LRRC7: variants seen among roughly 807,000 people sequenced by gnomAD.
The protein encoded by LRRC7 is leucine-rich repeat-containing protein 7.
LRRC7 carries 23 observed loss-of-function variants against 175.7 expected under a neutral mutation model. The observed-to-expected ratio is 0.13, with a 90% confidence interval of 0.09 to 0.19. The LOEUF is 0.19. Among genes scored for constraint, LRRC7 ranks in the 10% least tolerant of loss-of-function variants. The pLI is 1.00. For synonymous variants in LRRC7, 685 were observed against 680.9 expected (o/e 1.01, Z -0.09); for missense variants, 1,354 against 1,904.7 (o/e 0.71, Z 5.38).
At chr1:69,886,096 G>T (rs979654444) in intron 7 of LRRC7, among the ~76,000 whole-genome samples, 134 of 151,512 alleles carry the variant, frequency 8.8e-4, no homozygotes, top group Non-Finnish European at 1.2e-3. Context: ...ATATTCTGTT[G>T]ATTTGGGGTG....
intron 18 of LRRC7, 29 bp from the exon 19 acceptor site, chr1:70,036,092 T>G: frequency 6.5e-7 from 1 of 1,536,658 alleles, no homozygotes; most frequent in Non-Finnish European, 8.9e-7. Flanking sequence ...ATGTTTACTT[T>G]CCTTGTCCTG....
chr1:69,596,026 C>T (rs1042181706), intron 1 of LRRC7, among the ~76,000 whole-genome samples: 2 of 121,730 alleles, frequency 1.6e-5, no homozygotes, highest in African/African-American at 5.4e-5. Context: ...TTAAGTGAAT[C>T]TTTTATGCAA....
chr1:69,590,493 A>G (rs566088281), intron 1 of LRRC7, among the ~76,000 whole-genome samples: 1 of 152,266 alleles, frequency 6.6e-6, no homozygotes, highest in South Asian at 2.1e-4. Context: ...AACAACTCAC[A>G]ATTATATCCT....
At chr1:70,116,263 T>A (rs1377609822) in intron 26 of LRRC7, among the ~76,000 whole-genome samples, 1 of 152,162 alleles carries the variant, frequency 6.6e-6, no homozygotes, top group Non-Finnish European at 1.5e-5. Flanking sequence ...GAAGAGAAAT[T>A]CTTGCTGGGC....
chr1:70,089,104 C>G (rs1663829775), intron 24 of LRRC7, among the ~76,000 whole-genome samples: 1 of 152,118 alleles, frequency 6.6e-6, no homozygotes, highest in Non-Finnish European at 1.5e-5. Flanking sequence ...TTCTAAGGTT[C>G]CTAACTCCTA....
intron 1 of LRRC7, among the ~76,000 whole-genome samples, chr1:69,671,894 G>A (rs1659130579): frequency 6.6e-6 from 1 of 152,176 alleles, no homozygotes; most frequent in African/African-American, 2.4e-5. Flanking sequence ...GCAGAGTAAT[G>A]TTTGCAATTC....
At chr1:69,771,835 A>G (rs1220587446) in intron 3 of LRRC7, among the ~76,000 whole-genome samples, 1 of 152,180 alleles carries the variant, frequency 6.6e-6, no homozygotes, top group Non-Finnish European at 1.5e-5. Flanking sequence ...AAAATAAAGC[A>G]GGGGTCCAGG....
At chr1:69,890,778 C>T (rs1455395603) in intron 7 of LRRC7, among the ~76,000 whole-genome samples, 1 of 152,218 alleles carries the variant, frequency 6.6e-6, no homozygotes, top group African/African-American at 2.4e-5. Context: ...GCTTCTACAT[C>T]AGCACTTGTC....
chr1:69,677,741 G>A (rs960285169), intron 1 of LRRC7, among the ~76,000 whole-genome samples: 2 of 151,894 alleles, frequency 1.3e-5, no homozygotes, highest in Admixed American at 6.6e-5. Context: ...CTCTTTAGTC[G>A]ATAGGTCTTT....
intron 8 of LRRC7, among the ~76,000 whole-genome samples, chr1:69,972,650 A>G (rs1393077887): frequency 1.3e-5 from 2 of 152,086 alleles, no homozygotes; most frequent in African/African-American, 2.4e-5. Context: ...TGAAAGGGAA[A>G]CGCTTTTACA....
intron 5 of LRRC7, among the ~76,000 whole-genome samples, chr1:69,826,823 T>C (rs1406335136): frequency 1.3e-5 from 2 of 151,920 alleles, no homozygotes; most frequent in African/African-American, 2.4e-5. Flanking sequence ...CAAAGGGAAG[T>C]TGATGGGAAA....
At chr1:69,855,331 G>C (rs1683473387) in intron 7 of LRRC7, among the ~76,000 whole-genome samples, 1 of 152,226 alleles carries the variant, frequency 6.6e-6, no homozygotes, top group African/African-American at 2.4e-5. Flanking sequence ...TTGTGTCTTT[G>C]TTCTCATTGG....
intron 26 of LRRC7, among the ~76,000 whole-genome samples, chr1:70,110,741 T>C (rs1040132469): frequency 1.3e-5 from 2 of 152,188 alleles, no homozygotes; most frequent in African/African-American, 2.4e-5. Context: ...TGGACTTTAA[T>C]CAAATAAATT....
Position 70,135,628 on chromosome 1 carries a change from T to A in LRRC7, c.*13741T>A, listed in dbSNP as rs1666836609. 1.3e-5 allele frequency among the ~76,000 whole-genome samples: 2 copies of A among 152,138 alleles called. No homozygotes were observed. Among genetic ancestry groups the A allele is most frequent in the Admixed American group, 6.5e-5 (1 of 15,276 alleles). On this transcript the variant is annotated 3_prime_UTR_variant, in exon 27 of 27. Transcript: ENST00000651989. Reference sequence around the variant, plus strand: ...TCCCTGACAAATAAGTGAATATCCATCATATTCAAGACTTCACTTTTATTG... The same window carrying A: ...TCCCTGACAAATAAGTGAATATCCAACATATTCAAGACTTCACTTTTATTG...
chr1:69,748,424 T>G (rs1412984281), intron 2 of LRRC7, among the ~76,000 whole-genome samples: 3 of 152,142 alleles, frequency 2.0e-5, no homozygotes, highest in African/African-American at 7.2e-5. Context: ...GAAAATGATT[T>G]CCTACTAGTC....
intron 1 of LRRC7, among the ~76,000 whole-genome samples, chr1:69,632,990 A>T (rs1210730297): frequency 6.6e-6 from 1 of 152,030 alleles, no homozygotes; most frequent in African/African-American, 2.4e-5. Flanking sequence ...TTTTAATGCA[A>T]TGAGATCACA....
chr1:69,764,338 CA>C (rs990593027), intron 3 of LRRC7, among the ~76,000 whole-genome samples: 4 of 151,152 alleles, frequency 2.6e-5, no homozygotes, highest in African/African-American at 9.7e-5. Context: ...GAAAAACTGC[CA>C]AAAAAACTTC....
intron 8 of LRRC7, among the ~76,000 whole-genome samples, chr1:69,958,823 T>C (rs773324250): frequency 6.6e-6 from 1 of 152,036 alleles, no homozygotes; most frequent in East Asian, 1.9e-4. Flanking sequence ...AGAGGAAGTA[T>C]GATGAAGAGA....
chr1:69,925,154 T>C (rs1432982455), intron 7 of LRRC7, among the ~76,000 whole-genome samples: 1 of 152,180 alleles, frequency 6.6e-6, no homozygotes, highest in Non-Finnish European at 1.5e-5. Context: ...TGAAGCCCAC[T>C]TGATCATGGT....
Sources: allele counts gnomAD v4.1 joint callset (sites outside exome capture counted in the v4.1 genomes callset), GRCh38; gene constraint gnomAD v4.1.1; transcripts MANE v1.5; gene names NCBI Gene and HGNC (gene_info 2026-07-23, HGNC 2026-07-21).